The following TBC1D5 variants were observed in gnomAD, a reference collection of about 807,000 sequenced individuals.
TBC1D5 encodes the protein TBC1 domain family, member 5.
Under a neutral mutation model 100.3 loss-of-function variants are expected in TBC1D5, and 75 were observed. The ratio of observed to expected loss-of-function variants is 0.75; its 90% CI spans 0.62 to 0.91. TBC1D5 has a LOEUF of 0.91. Ranked by LOEUF, TBC1D5 falls within the 40% of genes least tolerant of loss-of-function variation. The pLI, the probability that TBC1D5 is intolerant of heterozygous loss-of-function variation, is 0.00. For synonymous variants in TBC1D5, 323 were observed against 325.6 expected (o/e 0.99, Z 0.09); for missense variants, 910 against 942.4 (o/e 0.97, Z 0.45).
At chr3:17,298,344 A>T (rs2082471897) in intron 14 of TBC1D5, among the ~76,000 whole-genome samples, 1 of 152,244 alleles carries the variant, frequency 6.6e-6, no homozygotes, top group South Asian at 2.1e-4. Flanking sequence ...TAAAGACATG[A>T]AAAGAATTTT....
chr3:17,293,533 T>C (rs576932357), intron 14 of TBC1D5, among the ~76,000 whole-genome samples: 12 of 152,358 alleles, frequency 7.9e-5, no homozygotes, highest in Admixed American at 7.8e-4. Context: ...TGATATAATC[T>C]ATGAGACTGA....
chr3:17,650,210 G>A (rs2065411023), intron 1 of TBC1D5, among the ~76,000 whole-genome samples: 1 of 152,056 alleles, frequency 6.6e-6, no homozygotes, highest in Non-Finnish European at 1.5e-5. Flanking sequence ...GTTGATGGGT[G>A]CAGCAAACCA....
intron 3 of TBC1D5, among the ~76,000 whole-genome samples, chr3:17,432,468 AC>A (rs2094461475): frequency 6.6e-6 from 1 of 152,214 alleles, no homozygotes; most frequent in South Asian, 2.1e-4. Context: ...AATCAGGCTA[AC>A]CATTAGCCAC....
At chr3:17,582,257 A>C (rs905681706) in intron 2 of TBC1D5, among the ~76,000 whole-genome samples, 2 of 152,220 alleles carry the variant, frequency 1.3e-5, no homozygotes, top group Non-Finnish European at 2.9e-5. Context: ...CTGGCTTCAA[A>C]TTTCTCAGGA....
intron 2 of TBC1D5, among the ~76,000 whole-genome samples, chr3:17,602,217 T>C (rs1667225119): frequency 6.6e-6 from 1 of 152,234 alleles, no homozygotes; most frequent in South Asian, 2.1e-4. Context: ...TACCTATCAG[T>C]AATGTGTATC....
chr3:17,582,399 T>C (rs1378896251), intron 2 of TBC1D5, among the ~76,000 whole-genome samples: 5 of 152,198 alleles, frequency 3.3e-5, no homozygotes, highest in Admixed American at 3.3e-4. Flanking sequence ...TTTTCTAACA[T>C]ACACAACTCA....
rs57075753 is a variant in TBC1D5, at chr3:17,592,488, G to A, written c.-36+31361C>T. 1.5e-3 allele frequency among the ~76,000 whole-genome samples: 233 copies of A among 152,298 alleles called. 7 individuals are homozygous for A. In the East Asian group the frequency reaches 0.034, roughly 22 times the overall value. Reference sequence around the variant, plus strand: ...TCTTCTAAGGTGAAGGATAAGTTGCGGCATTTGGCACCTCCTACAAACAAG... The same window carrying A: ...TCTTCTAAGGTGAAGGATAAGTTGCAGCATTTGGCACCTCCTACAAACAAG... On this transcript the variant is annotated intron_variant, in intron 2 of 21. Transcript: ENST00000253692.
At chr3:17,408,294 CACACA>C (rs2152461239) in intron 4 of TBC1D5, among the ~76,000 whole-genome samples, 1 of 151,364 alleles carries the variant, frequency 6.6e-6, no homozygotes, top group South Asian at 2.1e-4. Context: ...CACACACACA[CACACA>C]CACACACACA....
In TBC1D5 at chr3:17,691,589, C is replaced by CA. The variant is rs201845229; in HGVS notation, c.-101+47753_-101+47754insT. Among the ~76,000 whole-genome samples, 11 of 152,206 alleles carry CA rather than the reference C, an allele frequency of 7.2e-5. No individual in the cohort carries two copies. In the East Asian group the frequency reaches 2.1e-3, roughly 29 times the overall value. On this transcript the variant is annotated intron_variant, in intron 1 of 21. Coordinates refer to ENST00000253692, the Ensembl canonical transcript of TBC1D5. Reference sequence around the variant, plus strand: ...ATCCCAGCACTTTGGGAGGCCAAAGCGGGTGGATCATGAGGTCAAGAGATG... The same window carrying CA: ...ATCCCAGCACTTTGGGAGGCCAAAGCAGGGTGGATCATGAGGTCAAGAGATG...
intron 15 of TBC1D5, among the ~76,000 whole-genome samples, chr3:17,258,944 G>C (rs2149437078): frequency 6.6e-6 from 1 of 152,222 alleles, no homozygotes; most frequent in Non-Finnish European, 1.5e-5. Context: ...CCAAGGGATG[G>C]AGAGACATAA....
At chr3:17,273,821 A>G (rs2079681898) in intron 15 of TBC1D5, among the ~76,000 whole-genome samples, 1 of 151,686 alleles carries the variant, frequency 6.6e-6, no homozygotes, top group Non-Finnish European at 1.5e-5. Flanking sequence ...AAAAAAAAAA[A>G]AAAAAAATTG....
chr3:17,703,484 A>AT (rs950772006), intron 1 of TBC1D5, among the ~76,000 whole-genome samples: 2 of 152,122 alleles, frequency 1.3e-5, no homozygotes, highest in South Asian at 2.1e-4. Context: ...CAAACTGCAA[A>AT]TTTTTTTTCA....
intron 3 of TBC1D5, among the ~76,000 whole-genome samples, chr3:17,438,416 T>A (rs896227995): frequency 6.6e-6 from 1 of 152,172 alleles, no homozygotes; most frequent in Non-Finnish European, 1.5e-5. Context: ...CAGGTGGAGA[T>A]TACTGAATCA....
chr3:17,603,476 G>A (rs945398354), intron 2 of TBC1D5, among the ~76,000 whole-genome samples: 4 of 152,150 alleles, frequency 2.6e-5, no homozygotes, highest in African/African-American at 9.7e-5. Flanking sequence ...AAATGACATG[G>A]TAACATCTGG....
At chr3:17,592,768 G>A (rs2060313284) in intron 2 of TBC1D5, among the ~76,000 whole-genome samples, 1 of 152,178 alleles carries the variant, frequency 6.6e-6, no homozygotes, top group Non-Finnish European at 1.5e-5. Flanking sequence ...GGAGCCTTTA[G>A]CAGGCTCCCA....
At chr3:17,437,502 T>C (rs1490962548) in intron 3 of TBC1D5, among the ~76,000 whole-genome samples, 5 of 151,184 alleles carry the variant, frequency 3.3e-5, no homozygotes, top group Admixed American at 6.6e-5. Context: ...CAAGAGGGGG[T>C]GGTACCAGAT....
chr3:17,411,185 G>A (rs556416784), intron 4 of TBC1D5, among the ~76,000 whole-genome samples: 3 of 150,558 alleles, frequency 2.0e-5, no homozygotes, highest in Non-Finnish European at 4.4e-5. Flanking sequence ...AACTGCTGAA[G>A]GCTCAGATGA....
chr3:17,650,752 T>A (rs1486191805), intron 1 of TBC1D5, among the ~76,000 whole-genome samples: 1 of 152,226 alleles, frequency 6.6e-6, no homozygotes, highest in African/African-American at 2.4e-5. Context: ...TAATATATTC[T>A]ACCTAGTGAT....
intron 3 of TBC1D5, among the ~76,000 whole-genome samples, chr3:17,496,564 G>C (rs890464013): frequency 6.6e-6 from 1 of 152,016 alleles, no homozygotes; most frequent in African/African-American, 2.4e-5. Context: ...CATATAGAAA[G>C]AACTGAGCTT....
Sources: allele counts gnomAD v4.1 joint callset (sites outside exome capture counted in the v4.1 genomes callset), GRCh38; gene constraint gnomAD v4.1.1; transcripts MANE v1.5; gene names NCBI Gene and HGNC (gene_info 2026-07-23, HGNC 2026-07-21).